NACA: variants seen among roughly 807,000 people sequenced by gnomAD.
NACA encodes nascent polypeptide associated complex subunit alpha, also known as nascent polypeptide-associated complex subunit alpha.
In NACA, 42 loss-of-function variants were observed where a neutral mutation model predicts 86.4. The ratio of observed to expected loss-of-function variants is 0.49; its 90% CI spans 0.38 to 0.63. The LOEUF is 0.63. NACA is among the 20% of genes least tolerant of loss of function. The probability of loss-of-function intolerance (pLI) is 0.00; values close to 1 mark genes in which losing one functional copy is unlikely to be tolerated. For synonymous variants in NACA, 898 were observed against 973.7 expected, an observed-to-expected ratio of 0.92 and a Z score of 1.45; for missense variants, 2,157 against 2,483.6, an observed-to-expected ratio of 0.87 and a Z score of 2.80.
rs776120629 is a variant in NACA, at chr12:56,717,060, G to C, written c.4470C>G (p.Pro1490=). 1.6e-6 allele frequency: 2 copies of C among 1,248,758 alleles called. No homozygotes were observed. Among genetic ancestry groups the C allele is most frequent in the Non-Finnish European group, 2.0e-6 (2 of 977,846 alleles). 77.4% of individuals were successfully genotyped at this position (1,248,758 alleles called of 1,614,324 possible). Residue 1490 remains proline (P), a synonymous_variant, in exon 3 of 9, where the codon CCC becomes CCG. Transcript: ENST00000454682. The part of the protein sequence containing the change: ...APKQVATSSS[P]KKAPATPAPM... ...GGGCTGGAGTTGCTGGGGCCTTTTT[G>C]GGAGAGGAAGAAGTGGCAACTTGTT...
Position 56,718,310 on chromosome 12 carries a change from G to A in NACA, c.3220C>T (p.Pro1074Ser). 1 of 1,153,292 alleles carries A rather than the reference G, an allele frequency of 8.7e-7. No homozygotes were observed. Among genetic ancestry groups the A allele is most frequent in the Non-Finnish European group, 1.1e-6 (1 of 921,810 alleles). 71.4% of individuals were successfully genotyped at this position (1,153,292 alleles called of 1,614,324 possible). Residue 1074 changes from proline (P) to serine (S), a missense_variant, in exon 3 of 9, where the codon CCA becomes TCA. Physicochemically the swap from Pro to Ser is moderately conservative, Grantham distance 74. Around this residue, in one of 8 missense-constraint regions of NACA, gnomAD observed 124 missense variants for 186.5 expected, o/e 0.66. Transcript: ENST00000454682. ...LPSPKGGPAT[P>S]SLKGAPTPPA... ...GGAGTGGGGGCCCCCTTGAGGGATG[G>A]GGTAGCTGGACCTCCTTTTGGGGAG...
chr12:56,724,893 GTT>G, intron 1 of NACA: 1 of 236,680 alleles, frequency 4.2e-6, no homozygotes, highest in Non-Finnish European at 8.4e-6. Context: ...GAAAGACGGT[GTT>G]TTAAGTCCAA....
Position 56,720,963 on chromosome 12 carries a change from A to G in NACA, c.567T>C (p.Asn189=), listed in dbSNP as rs536645117. ...TAGGGACTACCTCAGAGGGAACTTT[A>G]TTAAGATTAGTCTTTGGTTCTGAGG... ...IAPSEPKTNL[N]KVPSEVVPNP... is the part of the protein sequence containing the mutation. The change falls in exon 3 of 9, where the codon AAT becomes AAC. Residue 189 remains asparagine (N), a synonymous_variant. Coordinates refer to ENST00000454682, the MANE Select transcript of NACA (RefSeq NM_001365896.1). 7.4e-6 allele frequency: 12 copies of G among 1,613,974 alleles called. No individual in the cohort carries two copies. Among genetic ancestry groups the G allele is most frequent in the Middle Eastern group, 3.3e-4 (2 of 6,062 alleles).
In NACA at chr12:56,713,521, A is replaced by G. The variant is rs757469781; in HGVS notation, c.5970+16T>C. On this transcript the variant is annotated intron_variant, in intron 6 of 8. Transcript: ENST00000454682. Reference sequence around the variant, plus strand: ...AAACCCTGGTCTGGAACAATGCCCAAGAAAAGTTTACTCACCTTGGCTTCC... The same window carrying G: ...AAACCCTGGTCTGGAACAATGCCCAGGAAAAGTTTACTCACCTTGGCTTCC... 3 of 1,613,054 alleles carry G rather than the reference A, an allele frequency of 1.9e-6. No individual in the cohort carries two copies. Among genetic ancestry groups the G allele is most frequent in the Non-Finnish European group, 1.7e-6 (2 of 1,179,388 alleles).
rs1953360121 is a variant in NACA, at chr12:56,716,336, T to C, written c.5194A>G (p.Thr1732Ala). 1.9e-6 allele frequency: 3 copies of C among 1,612,612 alleles called. No homozygotes were observed. Among genetic ancestry groups the C allele is most frequent in the South Asian group, 1.1e-5 (1 of 90,252 alleles). The change falls in exon 3 of 9, where the codon ACA (threonine) becomes GCA (alanine). Residue 1732 changes from threonine to alanine, a missense_variant. Coordinates refer to ENST00000454682, the MANE Select transcript of NACA (RefSeq NM_001365896.1). ...GGGAGTAGAGGGGCTGGAGCCACTG[T>C]GGAAAGGGGTCCTTTAGAACCATTC... ...AKNGSKGPLS[T>A]VAPAPLLPVQ...
intron 6 of NACA, 58 bp from the exon 7 acceptor site, chr12:56,713,248 T>A (rs1198987379): frequency 1.9e-6 from 3 of 1,569,932 alleles, no homozygotes; most frequent in Non-Finnish European, 2.6e-6. Context: ...GAAAAATAAA[T>A]CATATAGTTT....
In NACA at chr12:56,719,280, C is replaced by T; in HGVS notation, c.2250G>A (p.Lys750=). The change falls in exon 3 of 9, where the codon AAG becomes AAA. Residue 750 remains lysine (K), a synonymous_variant. Transcript: ENST00000454682. ...CTGAAGTATGAGAAATACCATCAAC[C>T]TTTTTTGTACCTGGAGGAGTCCCAG... ...PPAGTPPGTK[K]VDGISHTSAL... The T allele has an allele frequency of 3.2e-6, 5 of 1,580,882 alleles. No homozygotes were observed. Among genetic ancestry groups the T allele is most frequent in the Non-Finnish European group, 4.3e-6 (5 of 1,159,064 alleles).
chr12:56,722,247 T>C (rs775434098), intron 2 of NACA, among the ~76,000 whole-genome samples: 15 of 152,328 alleles, frequency 9.8e-5, no homozygotes, highest in Middle Eastern at 3.4e-3. Context: ...TAAACCTTCC[T>C]AGGTGATGTT....
At chr12:56,723,546 G>A in intron 2 of NACA, among the ~76,000 whole-genome samples, 1 of 152,046 alleles carries the variant, frequency 6.6e-6, no homozygotes, top group East Asian at 1.9e-4. Context: ...CCTAGCAGCT[G>A]TATTAATCCC....
Position 56,718,538 on chromosome 12 carries a change from C to CT in NACA, c.2991dup (p.Gly998ArgfsTer347), listed in dbSNP as rs773403562. The CT allele has an allele frequency of 2.4e-6, 3 of 1,226,120 alleles. No homozygotes were observed. Among genetic ancestry groups the CT allele is most frequent in the Admixed American group, 7.7e-5 (2 of 25,936 alleles). 76.0% of individuals were successfully genotyped at this position (1,226,120 alleles called of 1,614,324 possible). A position where few individuals can be genotyped will look rare whatever the true frequency, so the allele number is the denominator to read the frequency against. On this transcript the variant is annotated frameshift_variant, in exon 3 of 9. Transcript: ENST00000454682. LOFTEE classifies it high-confidence loss of function. ...TTGGGGGATGGAGTAGCTGGACCTCCTTTGGGGGAGGGAGGAGTTGCAGCT... is the reference window on the plus strand; with the variant it reads ...TTGGGGGATGGAGTAGCTGGACCTCCTTTTGGGGGAGGGAGGAGTTGCAGCT...
chr12:56,712,610 C>A, intron 8 of NACA, 58 bp from the exon 9 acceptor site: 1 of 1,602,586 alleles, frequency 6.2e-7, no homozygotes, highest in South Asian at 1.1e-5. Context: ...GAATTCAGGT[C>A]ACTAAAACTC....
At position 56,721,315 on chromosome 12, in the gene NACA, G is replaced by A. The variant is rs1953569672; in HGVS notation, c.215C>T (p.Thr72Ile). Reference protein sequence around the residue: ...NQASPFPSPSTIASTPLEVPF... With the variant: ...NQASPFPSPSIIASTPLEVPF... Reference sequence around the variant, plus strand: ...AACTTCTAAAGGGGTCGAGGCAATAGTAGAGGGGGAAGGGAATGGGGAAGC... The same window carrying A: ...AACTTCTAAAGGGGTCGAGGCAATAATAGAGGGGGAAGGGAATGGGGAAGC... The change falls in exon 3 of 9, where the codon ACT becomes ATT. Residue 72 changes from threonine (T) to isoleucine (I), a missense_variant. By Grantham distance (89) the Thr-to-Ile change is moderately conservative. Transcript: ENST00000454682. 8.1e-6 allele frequency: 13 copies of A among 1,612,310 alleles called. No individual in the cohort carries two copies. The highest frequency in any genetic ancestry group is 1.1e-5 in the Non-Finnish European group (13 of 1,179,160).
chr12:56,716,984 C>T lies in NACA; in HGVS notation c.4546G>A (p.Val1516Ile). The change falls in exon 3 of 9, where the codon GTC becomes ATC. Residue 1516 changes from valine (V) to isoleucine (I), a missense_variant. By Grantham distance (29) the Val-to-Ile change is conservative. Coordinates refer to ENST00000454682, the MANE Select transcript of NACA (RefSeq NM_001365896.1). ...PAVIPSSPKE[V>I]PATPSSRRDP... Reference sequence around the variant, plus strand: ...CTTCTGGAGGATGGGGTAGCTGGGACCTCTTTGGGGGAAGAAGGAATCACA... The same window carrying T: ...CTTCTGGAGGATGGGGTAGCTGGGATCTCTTTGGGGGAAGAAGGAATCACA... The T allele has an allele frequency of 1.6e-6, 2 of 1,273,056 alleles. No individual in the cohort carries two copies. Among genetic ancestry groups the T allele is most frequent in the Non-Finnish European group, 2.0e-6 (2 of 990,426 alleles). 78.9% of individuals were successfully genotyped at this position (1,273,056 alleles called of 1,614,324 possible).
In NACA at chr12:56,716,123, C is replaced by A. The variant is rs1953351660; in HGVS notation, c.5407G>T (p.Ala1803Ser). 6.2e-7 allele frequency: 1 copy of A among 1,613,148 alleles called. No individual in the cohort carries two copies. The change falls in exon 3 of 9, where the codon GCT (alanine) becomes TCT (serine). Residue 1803 changes from alanine to serine, a missense_variant. Ala to Ser is a moderately conservative substitution (Grantham distance 99). This residue lies in a region of NACA where 797 missense variants were observed against 777.6 expected (regional missense o/e 1.02). Transcript: ENST00000454682. Reference protein sequence around the residue: ...APSPPVSLPLAPSPVPTLPPK... With the variant: ...APSPPVSLPLSPSPVPTLPPK... ...GGCAGAGTGGGAACTGGGGAGGGAGCAAGAGGCAGAGAGACTGGTGGGGAG... is the reference window on the plus strand; with the variant it reads ...GGCAGAGTGGGAACTGGGGAGGGAGAAAGAGGCAGAGAGACTGGTGGGGAG...
rs756960195 is a variant in NACA at position 56,720,625 on chromosome 12, G to A, written c.905C>T (p.Pro302Leu). Residue 302 changes from proline (P) to leucine (L), a missense_variant, in exon 3 of 9, where the codon CCC (proline) becomes CTC (leucine). Coordinates refer to ENST00000454682, the MANE Select transcript of NACA (RefSeq NM_001365896.1). ...TGCAAGATGAGAGCCCAGAGAAATG[G>A]GAAAATCTGGGGGGGTGTTGGGACC... ...TAGPNTPPDFPISLGSHLAPL... is the reference protein window; with the variant it reads ...TAGPNTPPDFLISLGSHLAPL... 1.2e-6 allele frequency: 2 copies of A among 1,613,922 alleles called. No homozygotes were observed. The highest frequency in any genetic ancestry group is 1.1e-5 in the South Asian group (1 of 91,080).
chr12:56,718,588 G>C lies in NACA; in HGVS notation c.2942C>G (p.Ser981Cys). 7.6e-7 allele frequency: 1 copy of C among 1,317,712 alleles called. No homozygotes were observed. Among genetic ancestry groups the C allele is most frequent in the Non-Finnish European group, 9.9e-7 (1 of 1,014,994 alleles). 81.6% of individuals were successfully genotyped at this position (1,317,712 alleles called of 1,614,324 possible). A position where few individuals can be genotyped will look rare whatever the true frequency, so the allele number is the denominator to read the frequency against. The change falls in exon 3 of 9, where the codon TCC becomes TGC. Residue 981 changes from serine to cysteine, a missense_variant. Coordinates refer to ENST00000454682, the MANE Select transcript of NACA (RefSeq NM_001365896.1). ...TGGGGGTGTGGGGGCCCCTTTGGGG[G>C]ATGGAGTAGCTGGACCTCCTTTTGG... ...PSPKGGPATP[S>C]PKGAPTPPAA...
intron 2 of NACA, among the ~76,000 whole-genome samples, chr12:56,722,474 G>A (rs1238065940): frequency 6.6e-6 from 1 of 152,194 alleles, no homozygotes; most frequent in East Asian, 1.9e-4. Flanking sequence ...CGGATCACGA[G>A]GTCAGGAGTT....
chr12:56,713,800 C>A, intron 5 of NACA, 117 bp from the exon 6 acceptor site: 1 of 1,045,368 alleles, frequency 9.6e-7, no homozygotes, highest in South Asian at 1.6e-5. Context: ...AAAGTTCATA[C>A]AAGAATAGAG....
rs781259933 is a variant in NACA at position 56,718,634 on chromosome 12, G to A, written c.2896C>T (p.Pro966Ser). 3 of 1,320,612 alleles carry A rather than the reference G, an allele frequency of 2.3e-6. No homozygotes were observed. Among genetic ancestry groups the A allele is most frequent in the Non-Finnish European group, 3.0e-6 (3 of 1,015,438 alleles). 81.8% of individuals were successfully genotyped at this position (1,320,612 alleles called of 1,614,324 possible). A position where few individuals can be genotyped will look rare whatever the true frequency, so the allele number is the denominator to read the frequency against. ...TTTGGGGAGGGAGGAGTTGCAGCTG[G>A]GGGTGTGGGGGCCCATTTCGGGGAT... ...TPSPKWAPTP[P>S]AATPPSPKGG... is the part of the protein sequence containing the mutation. The change falls in exon 3 of 9, where the codon CCA becomes TCA. Residue 966 changes from proline to serine, a missense_variant. Around this residue, in one of 8 missense-constraint regions of NACA, gnomAD observed 124 missense variants for 186.5 expected, o/e 0.66. Coordinates refer to ENST00000454682, the MANE Select transcript of NACA (RefSeq NM_001365896.1).
Sources: gnomAD v4.1 joint callset for allele counts (sites outside exome capture counted in the v4.1 genomes callset) on GRCh38, gnomAD v4.1.1 for gene constraint, gnomAD v4.1.1 regional missense constraint, MANE v1.5 for transcripts, NCBI Gene and HGNC (gene_info 2026-07-23, HGNC 2026-07-21) for gene names.